RAPGEF6: variants seen among roughly 807,000 people sequenced by gnomAD.
RAPGEF6 encodes the protein Rap guanine nucleotide exchange factor 6.
Under a neutral mutation model 171.4 loss-of-function variants are expected in RAPGEF6, and 56 were observed. The observed-to-expected ratio is 0.33, with a 90% CI of 0.26 to 0.41. RAPGEF6 has a LOEUF of 0.41. Among genes scored for constraint, RAPGEF6 ranks in the 10% least tolerant of loss-of-function variants. The pLI, the probability that RAPGEF6 is intolerant of heterozygous loss-of-function variation, is 1.00. For missense variants in RAPGEF6, 1,674 were observed against 1,921.4 expected (o/e 0.87, Z 2.41); for synonymous variants, 692 against 650.1 (o/e 1.06, Z -0.98).
At chr5:131,506,884 T>C (rs981702859) in intron 9 of RAPGEF6, among the ~76,000 whole-genome samples, 1 of 151,826 alleles carries the variant, frequency 6.6e-6, no homozygotes, top group Non-Finnish European at 1.5e-5. Context: ...TATTGAAATA[T>C]TTAGAATATC....
At chr5:131,607,975 A>G (rs1342980362) in intron 1 of RAPGEF6, among the ~76,000 whole-genome samples, 2 of 152,204 alleles carry the variant, frequency 1.3e-5, no homozygotes, top group Non-Finnish European at 2.9e-5. Context: ...AGTGAAGTAA[A>G]GATCCACCTG....
At chr5:131,628,005 AC>A in intron 1 of RAPGEF6, among the ~76,000 whole-genome samples, 1 of 152,152 alleles carries the variant, frequency 6.6e-6, no homozygotes, top group Non-Finnish European at 1.5e-5. Context: ...TGGCTGTTCC[AC>A]CTTCTCTATC....
chr5:131,477,679 T>A (rs1755196570), intron 16 of RAPGEF6, among the ~76,000 whole-genome samples: 1 of 152,172 alleles, frequency 6.6e-6, no homozygotes, highest in South Asian at 2.1e-4. Context: ...CTGGTGAGAA[T>A]GTGATAGTAA....
intron 7 of RAPGEF6, 137 bp from the exon 8 acceptor site, chr5:131,510,628 T>C (rs1757657629): frequency 1.4e-6 from 1 of 715,596 alleles, no homozygotes; most frequent in South Asian, 2.3e-5. Context: ...AAGAATACAA[T>C]AAAATGATAC....
intron 24 of RAPGEF6, 62 bp downstream of exon 24, chr5:131,439,519 A>G: frequency 6.6e-7 from 1 of 1,508,008 alleles, no homozygotes; most frequent in Non-Finnish European, 8.9e-7. Flanking sequence ...TTGAAAAGCA[A>G]AATATGTGCT....
chr5:131,528,923 C>A (rs1224405070), intron 6 of RAPGEF6, among the ~76,000 whole-genome samples: 1 of 152,054 alleles, frequency 6.6e-6, no homozygotes, highest in Non-Finnish European at 1.5e-5. Context: ...AAAGAAATGA[C>A]CTGCAGCTTT....
At chr5:131,584,102 T>C (rs1763114504) in intron 4 of RAPGEF6, among the ~76,000 whole-genome samples, 1 of 152,238 alleles carries the variant, frequency 6.6e-6, no homozygotes, top group Admixed American at 6.5e-5. Flanking sequence ...TAGAGCTTAT[T>C]ATCTTTGTAA....
At position 131,536,472 on chromosome 5, in the gene RAPGEF6, T is replaced by C. The variant is rs142582201; in HGVS notation, c.495+11575A>G. 3.7e-3 allele frequency among the ~76,000 whole-genome samples: 563 copies of C among 152,288 alleles called. 2 individuals carry two copies. The highest frequency in any genetic ancestry group is 0.013 in the African/African-American group (548 of 41,562). On this transcript the variant is annotated intron_variant, in intron 6 of 27. Transcript: ENST00000509018. ...GTACCAACGCTCTTTTATTCTCTTGTAAGAAACAGTGTGCTTCAGCATACT... is the reference window on the plus strand; with the variant it reads ...GTACCAACGCTCTTTTATTCTCTTGCAAGAAACAGTGTGCTTCAGCATACT...
At chr5:131,615,375 A>C (rs1765200515) in intron 1 of RAPGEF6, among the ~76,000 whole-genome samples, 1 of 152,158 alleles carries the variant, frequency 6.6e-6, no homozygotes, top group Admixed American at 6.5e-5. Context: ...TGTAATGCTG[A>C]GCTTGGAAAA....
chr5:131,564,414 T>C (rs1282710583), intron 4 of RAPGEF6, among the ~76,000 whole-genome samples: 1 of 152,118 alleles, frequency 6.6e-6, no homozygotes, highest in Non-Finnish European at 1.5e-5. Context: ...GGAATGTATT[T>C]CCTCAGTAAC....
At chr5:131,634,886 C>A in intron 1 of RAPGEF6, 76 bp downstream of exon 1, 2 of 1,540,440 alleles carry the variant, frequency 1.3e-6, no homozygotes, top group Middle Eastern at 1.7e-4. Context: ...AGAGGGCAGT[C>A]GCCGCGGATT....
chr5:131,606,029 CAAAAAA>C (rs1168486376), intron 1 of RAPGEF6, among the ~76,000 whole-genome samples: 4 of 70,590 alleles, frequency 5.7e-5, no homozygotes, highest in Admixed American at 1.6e-4. Flanking sequence ...GACTCCATCT[CAAAAAA>C]AAAAAAAAAA....
intron 4 of RAPGEF6, among the ~76,000 whole-genome samples, chr5:131,587,623 T>TGGTG (rs1763331292): frequency 6.6e-6 from 1 of 152,178 alleles, no homozygotes; most frequent in Middle Eastern, 3.2e-3. Context: ...CTCCAAAATA[T>TGGTG]GGTGCTTTGG....
At chr5:131,615,506 C>T (rs1191997692) in intron 1 of RAPGEF6, among the ~76,000 whole-genome samples, 1 of 152,184 alleles carries the variant, frequency 6.6e-6, no homozygotes, top group Non-Finnish European at 1.5e-5. Flanking sequence ...GACTGGAAGT[C>T]TTACAGACAG....
At chr5:131,510,655 C>A (rs1757659254) in intron 7 of RAPGEF6, among the ~76,000 whole-genome samples, 164 bp from the exon 8 acceptor site, 1 of 152,200 alleles carries the variant, frequency 6.6e-6, no homozygotes, top group African/African-American at 2.4e-5. Flanking sequence ...ATAAAAGGTT[C>A]TTTCTGCCCC....
intron 1 of RAPGEF6, among the ~76,000 whole-genome samples, chr5:131,605,205 A>AC (rs1367836194): frequency 6.6e-6 from 1 of 152,232 alleles, no homozygotes; most frequent in African/African-American, 2.4e-5. Context: ...AAGAGGTAGA[A>AC]CATCTTTCTC....
At chr5:131,436,894 G>A (rs887003209) in intron 24 of RAPGEF6, among the ~76,000 whole-genome samples, 1 of 152,184 alleles carries the variant, frequency 6.6e-6, no homozygotes, top group African/African-American at 2.4e-5. Context: ...CACTAGGGTA[G>A]ATAATGTTTA....
At chr5:131,558,045 A>G (rs1307415101) in intron 5 of RAPGEF6, among the ~76,000 whole-genome samples, 4 of 152,108 alleles carry the variant, frequency 2.6e-5, no homozygotes, top group Non-Finnish European at 5.9e-5. Context: ...AAGTTTTTCT[A>G]TTTCCTATTA....
At chr5:131,587,030 G>T (rs1165023865) in intron 4 of RAPGEF6, among the ~76,000 whole-genome samples, 1 of 152,130 alleles carries the variant, frequency 6.6e-6, no homozygotes. Context: ...ATGGTACCTG[G>T]GATTCAATCT....
Sources: gnomAD v4.1 joint callset for allele counts (sites outside exome capture counted in the v4.1 genomes callset) on GRCh38, gnomAD v4.1.1 for gene constraint, MANE v1.5 for transcripts, NCBI Gene and HGNC (gene_info 2026-07-23, HGNC 2026-07-21) for gene names.